The following RHOBTB3 variants were observed in gnomAD, a reference collection of about 807,000 sequenced individuals.
RHOBTB3 encodes Rho related BTB domain containing 3.
RHOBTB3 carries 47 observed loss-of-function variants against 67.2 expected under a neutral mutation model. The ratio of observed to expected loss-of-function variants is 0.70; its 90% confidence interval spans 0.55 to 0.89. RHOBTB3 has a LOEUF of 0.89. Among genes scored for constraint, RHOBTB3 ranks in the 40% least tolerant of loss-of-function variants. The pLI is 0.00. For missense variants in RHOBTB3, 631 were observed against 750.0 expected (o/e 0.84, Z 1.85); for synonymous variants, 273 against 274.2 (o/e 1.00, Z 0.04).
chr5:95,742,220 A>G (rs1755621385), intron 3 of RHOBTB3, among the ~76,000 whole-genome samples: 1 of 152,232 alleles, frequency 6.6e-6, no homozygotes, highest in Non-Finnish European at 1.5e-5. Flanking sequence ...GGCTAGAGCT[A>G]GGGATTATAC....
intron 1 of RHOBTB3, among the ~76,000 whole-genome samples, chr5:95,723,703 C>T (rs1167573263): frequency 6.6e-6 from 1 of 152,176 alleles, no homozygotes; most frequent in African/African-American, 2.4e-5. Flanking sequence ...ATCTGTGTTG[C>T]TTTTCCCTAT....
intron 8 of RHOBTB3, among the ~76,000 whole-genome samples, chr5:95,776,518 A>G (rs112061417): frequency 6.6e-6 from 1 of 152,178 alleles, no homozygotes; most frequent in East Asian, 1.9e-4. Context: ...GTGACATGTA[A>G]TAAGTCTTTG....
At chr5:95,767,459 T>G (rs1745581039) in intron 7 of RHOBTB3, among the ~76,000 whole-genome samples, 1 of 152,020 alleles carries the variant, frequency 6.6e-6, no homozygotes, top group African/African-American at 2.4e-5. Context: ...TGCCTCAGCC[T>G]CCCAAGTAGC....
At chr5:95,783,321 A>C (rs1320550932) in intron 9 of RHOBTB3, among the ~76,000 whole-genome samples, 11 of 151,366 alleles carry the variant, frequency 7.3e-5, no homozygotes, top group Non-Finnish European at 1.5e-4. Flanking sequence ...ATGAGGTTTC[A>C]CCATGTCCGC....
At chr5:95,781,151 G>A (rs568043259) in intron 9 of RHOBTB3, among the ~76,000 whole-genome samples, 194 of 152,294 alleles carry the variant, frequency 1.3e-3, no homozygotes, top group Non-Finnish European at 2.3e-3. Flanking sequence ...CTACAGGCCT[G>A]GAGCCTTGCT....
Position 95,763,560 on chromosome 5 carries a change from T to A in RHOBTB3, c.1101T>A (p.Asp367Glu), listed in dbSNP as rs141806007. 124 of 1,613,170 alleles carry A rather than the reference T, an allele frequency of 7.7e-5. No homozygotes were observed. The Middle Eastern group carries it at 8.3e-4, about 11-fold the overall frequency. The change falls in exon 7 of 12, where the codon GAT becomes GAA. Residue 367 changes from aspartate to glutamate, a missense_variant. Coordinates refer to ENST00000379982, the MANE Select transcript of RHOBTB3 (RefSeq NM_014899.4). ...LEEDIRKKLK[D>E]SGDVSNVIEK... ...AAGATATCAGGAAGAAGTTGAAAGATTCTGGGGATGTTTCAAATGTAATCG... is the reference window on the plus strand; with the variant it reads ...AAGATATCAGGAAGAAGTTGAAAGAATCTGGGGATGTTTCAAATGTAATCG...
At chr5:95,743,052 C>A (rs1580400032) in intron 3 of RHOBTB3, among the ~76,000 whole-genome samples, 1 of 151,876 alleles carries the variant, frequency 6.6e-6, no homozygotes, top group Non-Finnish European at 1.5e-5. Flanking sequence ...GCCTGGGGGA[C>A]AGAGCGAGAC....
chr5:95,730,889 C>A, upstream of RHOBTB3: 1 of 455,886 alleles, frequency 2.2e-6, no homozygotes, highest in South Asian at 1.6e-5. Flanking sequence ...GAGAAAGCGG[C>A]AGACGTGGTA....
intron 6 of RHOBTB3, among the ~76,000 whole-genome samples, chr5:95,762,572 T>C (rs981000125): frequency 7.9e-6 from 1 of 126,464 alleles, no homozygotes; most frequent in Admixed American, 9.0e-5. Flanking sequence ...AACTGGATCC[T>C]AGGTCTCCTA....
At chr5:95,759,832 T>C (rs1365878527) in intron 6 of RHOBTB3, among the ~76,000 whole-genome samples, 1 of 152,222 alleles carries the variant, frequency 6.6e-6, no homozygotes. Context: ...TTTGTTTGTG[T>C]TCCCATCAGA....
intron 6 of RHOBTB3, among the ~76,000 whole-genome samples, chr5:95,760,618 C>G (rs182644124): frequency 6.6e-6 from 1 of 152,232 alleles, no homozygotes; most frequent in African/African-American, 2.4e-5. Context: ...ATGAGTATAC[C>G]ATGCGCTCTA....
intron 7 of RHOBTB3, among the ~76,000 whole-genome samples, chr5:95,764,656 G>T (rs1206516829): frequency 6.6e-6 from 1 of 152,104 alleles, no homozygotes; most frequent in Non-Finnish European, 1.5e-5. Flanking sequence ...AATACTTAGC[G>T]GAGTAAAGGT....
intron 9 of RHOBTB3, among the ~76,000 whole-genome samples, chr5:95,783,163 C>T (rs1272141752): frequency 6.6e-6 from 1 of 150,386 alleles, no homozygotes; most frequent in East Asian, 2.0e-4. Flanking sequence ...GCTCTATTGC[C>T]CAGGCTGCAG....
intron 2 of RHOBTB3, 49 bp from the exon 3 acceptor site, chr5:95,736,840 T>G (rs1755464377): frequency 8.3e-7 from 1 of 1,209,844 alleles, no homozygotes; most frequent in Non-Finnish European, 1.2e-6. Flanking sequence ...ATTTCAGGAT[T>G]GATTGGACGA....
At chr5:95,731,720 C>G (rs763654728) in intron 1 of RHOBTB3, 36 bp downstream of exon 1, 7 of 1,612,888 alleles carry the variant, frequency 4.3e-6, no homozygotes, top group Non-Finnish European at 5.1e-6. Context: ...TTGTCTCTCT[C>G]CAGCGCGTGC....
At position 95,766,612 on chromosome 5, in the gene RHOBTB3, A is replaced by AG. The variant is rs201654463; in HGVS notation, c.1162-1434_1162-1433insG. ...ACTAAAATTTAAAAAAAAAAAAAAA[A>AG]AGAGAAAGAAAGCAAAGCAAAGAAA... On this transcript the variant is annotated intron_variant, in intron 7 of 11. Coordinates refer to ENST00000379982, the MANE Select transcript of RHOBTB3 (RefSeq NM_014899.4). 3.7e-3 allele frequency among the ~76,000 whole-genome samples: 561 copies of AG among 151,644 alleles called. 5 individuals are homozygous for AG. Among genetic ancestry groups the AG allele is most frequent in the Non-Finnish European group, 4.5e-3 (307 of 67,868 alleles).
chr5:95,746,982 G>A (rs963178095), intron 3 of RHOBTB3, among the ~76,000 whole-genome samples: 12 of 152,236 alleles, frequency 7.9e-5, no homozygotes, highest in African/African-American at 2.2e-4. Context: ...TCACAGGGAA[G>A]TTGCTGCATA....
intron 11 of RHOBTB3, 122 bp from the exon 12 acceptor site, chr5:95,792,937 G>A (rs535682793): frequency 1.0e-5 from 6 of 601,072 alleles, no homozygotes; most frequent in Non-Finnish European, 1.7e-5. Flanking sequence ...AAACTTGTGG[G>A]AATGGTAGGA....
chr5:95,731,555 T>G lies in RHOBTB3; in HGVS notation c.-128T>G, dbSNP rs2112766257. ...CCGCTCTGCGTCGGCCCCGCCGCGGTGGAGGCGCGCGAGGGGGACGCGGCC... is the reference window on the plus strand; with the variant it reads ...CCGCTCTGCGTCGGCCCCGCCGCGGGGGAGGCGCGCGAGGGGGACGCGGCC... On this transcript the variant is annotated 5_prime_UTR_variant, in exon 1 of 12. Transcript: ENST00000379982. 1 of 1,461,656 alleles carries G rather than the reference T, an allele frequency of 6.8e-7. No homozygotes were observed. The highest frequency in any genetic ancestry group is 1.4e-5 in the South Asian group (1 of 71,804). The allele number at this position is 1,461,656 out of a possible 1,614,324, so 90.5% of individuals were successfully genotyped here.
Sources: allele counts gnomAD v4.1 joint callset (sites outside exome capture counted in the v4.1 genomes callset), GRCh38; gene constraint gnomAD v4.1.1; transcripts MANE v1.5; gene names NCBI Gene and HGNC (gene_info 2026-07-23, HGNC 2026-07-21).